Variants in BRD10 observed in about 807,000 individuals in gnomAD.
BRD10 encodes bromodomain containing 10.
At chr9:5,920,808 C>G in the BRD10 span, 1 of 1,613,964 alleles carries the variant, frequency 6.2e-7, no homozygotes, top group African/African-American at 1.3e-5. Flanking sequence ...GGAGACACTA[C>G]TGGTTGTGTA....
At chr9:5,994,537 C>T in the BRD10 span, among the ~76,000 whole-genome samples, 3 of 152,172 alleles carry the variant, frequency 2.0e-5, no homozygotes, top group Non-Finnish European at 4.4e-5. Flanking sequence ...ATTTCTTTTT[C>T]GTCTTCCTTC....
chr9:5,916,821 C>T, the BRD10 span, among the ~76,000 whole-genome samples: 3 of 152,070 alleles, frequency 2.0e-5, no homozygotes, highest in Non-Finnish European at 1.5e-5. Context: ...ATTGTGGTGA[C>T]GTTTCTTCCT....
chr9:5,941,725 AG>A, the BRD10 span, among the ~76,000 whole-genome samples: 2 of 152,174 alleles, frequency 1.3e-5, no homozygotes, highest in Admixed American at 6.5e-5. Context: ...AACCTCTAAA[AG>A]GTTAAAAAGA....
the BRD10 span, among the ~76,000 whole-genome samples, chr9:5,925,395 T>C: frequency 1.3e-5 from 2 of 151,192 alleles, no homozygotes; most frequent in Admixed American, 6.6e-5. Flanking sequence ...AAAAAAATTA[T>C]ATATATCTGC....
At chr9:5,994,748 C>T in the BRD10 span, among the ~76,000 whole-genome samples, 2 of 152,140 alleles carry the variant, frequency 1.3e-5, no homozygotes, top group Admixed American at 6.6e-5. Flanking sequence ...CTATACTTCT[C>T]CTACTGAGCA....
chr9:6,004,146 T>C, the BRD10 span, among the ~76,000 whole-genome samples: 1 of 152,246 alleles, frequency 6.6e-6, no homozygotes, highest in Non-Finnish European at 1.5e-5. Flanking sequence ...CTAGTCTCTT[T>C]CTCTTCCTTA....
chr9:5,981,153 C>G, the BRD10 span, among the ~76,000 whole-genome samples: 1 of 152,234 alleles, frequency 6.6e-6, no homozygotes, highest in African/African-American at 2.4e-5. Context: ...ACCTCACTCT[C>G]AGTCTTCCCT....
the BRD10 span, chr9:6,007,724 C>A: frequency 6.2e-7 from 1 of 1,600,136 alleles, no homozygotes; most frequent in Non-Finnish European, 8.5e-7. Context: ...CCTTCGGCCG[C>A]CGGTGGCGGC....
At chr9:5,892,543 G>T in the BRD10 span, 1 of 1,612,558 alleles carries the variant, frequency 6.2e-7, no homozygotes, top group South Asian at 1.1e-5. Context: ...CTTACACCAC[G>T]GCTGAAGAGT....
the BRD10 span, among the ~76,000 whole-genome samples, chr9:5,957,752 T>C: frequency 6.6e-6 from 1 of 152,164 alleles, no homozygotes; most frequent in South Asian, 2.1e-4. Flanking sequence ...TCAGTATAAA[T>C]TTTCCTGTAT....
the BRD10 span, among the ~76,000 whole-genome samples, chr9:5,952,120 AAGTGATTCTCCTCTCTC>A: frequency 2.6e-5 from 4 of 151,906 alleles, no homozygotes; most frequent in Non-Finnish European, 4.4e-5. Flanking sequence ...TCCCAGATTC[AAGTGATTCTCCTCTCTC>A]AGCCTCCCGG....
At chr9:5,956,213 CACAGGCACTAA>C in the BRD10 span, among the ~76,000 whole-genome samples, 6 of 152,084 alleles carry the variant, frequency 3.9e-5, no homozygotes, top group African/African-American at 1.2e-4. Flanking sequence ...CTTATTGTTA[CACAGGCACTAA>C]ACACAGGTAC....
chr9:5,932,243 T>C, the BRD10 span, among the ~76,000 whole-genome samples: 4 of 152,130 alleles, frequency 2.6e-5, no homozygotes, highest in African/African-American at 9.7e-5. Context: ...TCAACTTTAT[T>C]CATATACACG....
the BRD10 span, among the ~76,000 whole-genome samples, chr9:5,989,205 C>T: frequency 6.7e-5 from 9 of 134,556 alleles, no homozygotes; most frequent in African/African-American, 2.2e-4. Flanking sequence ...GCACTCCAGC[C>T]TGGGCAACAA....
At chr9:5,969,429 C>G in the BRD10 span, 1 of 1,544,104 alleles carries the variant, frequency 6.5e-7, no homozygotes, top group East Asian at 2.3e-5. Context: ...CTTTCCTGCT[C>G]CCGAAGCCTA....
the BRD10 span, chr9:5,920,260 A>G: frequency 1.2e-6 from 2 of 1,613,866 alleles, no homozygotes; most frequent in Admixed American, 3.3e-5. Flanking sequence ...TAGTAGATAT[A>G]AGGAGAACAT....
chr9:5,921,941 G>C, the BRD10 span: 1 of 1,613,890 alleles, frequency 6.2e-7, no homozygotes, highest in Non-Finnish European at 8.5e-7. Flanking sequence ...AACAGAAGTT[G>C]GTGTTTGGCT....
chr9:5,948,868 T>A, the BRD10 span, among the ~76,000 whole-genome samples: 12 of 152,268 alleles, frequency 7.9e-5, no homozygotes, highest in Non-Finnish European at 1.2e-4. Flanking sequence ...ACTAAAATTA[T>A]AATGGCATCT....
chr9:5,938,746 T>A, the BRD10 span, among the ~76,000 whole-genome samples: 1 of 152,206 alleles, frequency 6.6e-6, no homozygotes, highest in Non-Finnish European at 1.5e-5. Context: ...GTAGATTGAT[T>A]TTCTCCCACA....
Sources: allele counts gnomAD v4.1 joint callset (sites outside exome capture counted in the v4.1 genomes callset), GRCh38; gene constraint gnomAD v4.1.1; transcripts MANE v1.5; gene names NCBI Gene and HGNC (gene_info 2026-07-23, HGNC 2026-07-21).